Variants in ARB2A observed in about 807,000 individuals in gnomAD.
ARB2A encodes cotranscriptional regulator ARB2A.
At chr5:93,660,283 C>G in the ARB2A span, among the ~76,000 whole-genome samples, 1 of 152,120 alleles carries the variant, frequency 6.6e-6, no homozygotes, top group South Asian at 2.1e-4. Context: ...GATGGTAACT[C>G]GTGGAGGCAG....
the ARB2A span, among the ~76,000 whole-genome samples, chr5:93,997,185 T>C: frequency 6.6e-6 from 1 of 152,042 alleles, no homozygotes; most frequent in Non-Finnish European, 1.5e-5. Flanking sequence ...CATTAATATT[T>C]CCATCAAATC....
chr5:93,736,559 A>C, the ARB2A span: 1 of 152,202 alleles, frequency 6.6e-6, no homozygotes, highest in Admixed American at 6.5e-5. Context: ...GAGATCCCTC[A>C]AAACAGAAAA....
the ARB2A span, among the ~76,000 whole-genome samples, chr5:94,084,593 C>A: frequency 6.6e-6 from 1 of 152,110 alleles, no homozygotes; most frequent in Non-Finnish European, 1.5e-5. Flanking sequence ...TGATAAGACA[C>A]TCCTAAAGAA....
the ARB2A span, among the ~76,000 whole-genome samples, chr5:93,948,191 T>G: frequency 1.3e-5 from 2 of 152,226 alleles, no homozygotes; most frequent in Non-Finnish European, 2.9e-5. Flanking sequence ...CCTGACTTTT[T>G]AATGATTGCC....
the ARB2A span, among the ~76,000 whole-genome samples, chr5:93,842,642 CAAGCTGGCAGTGGGA>C: frequency 6.6e-6 from 1 of 152,170 alleles, no homozygotes; most frequent in Non-Finnish European, 1.5e-5. Flanking sequence ...AGTCCAATCT[CAAGCTGGCAGTGGGA>C]AAGCTGAGAA....
chr5:93,843,417 C>CTT, the ARB2A span, among the ~76,000 whole-genome samples: 438 of 120,522 alleles, frequency 3.6e-3, 7 homozygotes, highest in African/African-American at 0.011. Context: ...AACAAGGATA[C>CTT]TTTTTTTTTT....
the ARB2A span, among the ~76,000 whole-genome samples, chr5:94,084,854 T>C: frequency 0.11 from 16,103 of 152,232 alleles, 964 homozygotes; most frequent in Middle Eastern, 0.16. Context: ...CTATCTCACT[T>C]CATACATGAT....
At chr5:93,740,838 G>A in the ARB2A span, 2 of 1,613,944 alleles carry the variant, frequency 1.2e-6, no homozygotes, top group Non-Finnish European at 1.7e-6. Flanking sequence ...ACCCAGCAAT[G>A]TGGCTGATTT....
At chr5:93,871,070 C>A in the ARB2A span, among the ~76,000 whole-genome samples, 1 of 152,138 alleles carries the variant, frequency 6.6e-6, no homozygotes, top group Non-Finnish European at 1.5e-5. Context: ...CCTGACAATC[C>A]CATTCAAGAA....
chr5:93,671,506 T>C, the ARB2A span, among the ~76,000 whole-genome samples: 2 of 152,100 alleles, frequency 1.3e-5, no homozygotes, highest in African/African-American at 4.8e-5. Flanking sequence ...CTTAGGTATA[T>C]TGAAATCATT....
chr5:93,801,184 C>T, the ARB2A span, among the ~76,000 whole-genome samples: 1 of 152,126 alleles, frequency 6.6e-6, no homozygotes, highest in Non-Finnish European at 1.5e-5. Flanking sequence ...TAAGCCTCAT[C>T]ACTGGGCAAA....
the ARB2A span, among the ~76,000 whole-genome samples, chr5:93,775,075 C>T: frequency 1.3e-5 from 2 of 151,870 alleles, no homozygotes; most frequent in African/African-American, 4.8e-5. Context: ...TGTATAGTAG[C>T]ATATACATCT....
chr5:93,811,144 G>T, the ARB2A span, among the ~76,000 whole-genome samples: 2 of 152,148 alleles, frequency 1.3e-5, no homozygotes, highest in African/African-American at 4.8e-5. Flanking sequence ...AGGTCAATTC[G>T]ATTTAGTTGG....
the ARB2A span, among the ~76,000 whole-genome samples, chr5:93,872,081 C>T: frequency 1.3e-5 from 2 of 151,504 alleles, no homozygotes; most frequent in African/African-American, 2.4e-5. Flanking sequence ...CCAGAGTAGC[C>T]GGGACTACAG....
chr5:93,881,415 A>T, the ARB2A span: 3 of 1,298,806 alleles, frequency 2.3e-6, no homozygotes, highest in Non-Finnish European at 3.3e-6. Context: ...TCTACATATA[A>T]TAAAATATAT....
At chr5:93,669,746 C>T in the ARB2A span, among the ~76,000 whole-genome samples, 55 of 152,258 alleles carry the variant, frequency 3.6e-4, no homozygotes, top group Admixed American at 9.2e-4. Context: ...TGTTAGTCAA[C>T]GGTGACTTTT....
the ARB2A span, among the ~76,000 whole-genome samples, chr5:93,762,401 A>G: frequency 6.6e-6 from 1 of 152,242 alleles, no homozygotes; most frequent in African/African-American, 2.4e-5. Flanking sequence ...CTACGTGACG[A>G]ATGCACAAGC....
chr5:93,990,189 G>GA, the ARB2A span, among the ~76,000 whole-genome samples: 2 of 151,990 alleles, frequency 1.3e-5, no homozygotes, highest in Non-Finnish European at 2.9e-5. Context: ...GGGATTGGGG[G>GA]AAAAATCAGG....
the ARB2A span, among the ~76,000 whole-genome samples, chr5:93,905,203 T>TTG: frequency 6.6e-6 from 1 of 151,636 alleles, no homozygotes; most frequent in Non-Finnish European, 1.5e-5. Flanking sequence ...TTCCCCAACT[T>TTG]TGTGTGTGTG....
Sources: gnomAD v4.1 joint callset for allele counts (sites outside exome capture counted in the v4.1 genomes callset) on GRCh38, gnomAD v4.1.1 for gene constraint, MANE v1.5 for transcripts, NCBI Gene and HGNC (gene_info 2026-07-23, HGNC 2026-07-21) for gene names.